OSTM1: variants seen among roughly 807,000 people sequenced by gnomAD.
OSTM1 encodes osteoclastogenesis associated transmembrane protein 1.
OSTM1 carries 26 observed loss-of-function variants against 35.4 expected under a neutral mutation model. That is an observed-to-expected ratio of 0.73 (90% CI 0.54 to 1.02). The LOEUF (loss-of-function observed/expected upper bound fraction) is 1.02. OSTM1 is among the 50% of genes least tolerant of loss of function. The pLI is 0.00. For missense variants in OSTM1, 366 were observed against 409.6 expected, an observed-to-expected ratio of 0.89 and a Z score of 0.92; for synonymous variants, 181 against 165.0, an observed-to-expected ratio of 1.10 and a Z score of -0.75.
At chr6:108,073,110 A>G (rs1772515598) in intron 1 of OSTM1, among the ~76,000 whole-genome samples, 1 of 152,232 alleles carries the variant, frequency 6.6e-6, no homozygotes, top group African/African-American at 2.4e-5. Flanking sequence ...GCACACAGCC[A>G]TGACAGATTT....
chr6:108,050,137 A>C (rs1449614441), intron 4 of OSTM1, among the ~76,000 whole-genome samples: 2 of 152,222 alleles, frequency 1.3e-5, no homozygotes, highest in African/African-American at 4.8e-5. Flanking sequence ...TATTAAGCCC[A>C]TTATATGCTA....
chr6:108,054,162 G>A (rs937714008), intron 3 of OSTM1, among the ~76,000 whole-genome samples: 1 of 152,140 alleles, frequency 6.6e-6, no homozygotes, highest in South Asian at 2.1e-4. Flanking sequence ...AAATACCTAC[G>A]TAAGTCAGAT....
At chr6:108,059,526 T>C (rs1256356332) in intron 2 of OSTM1, among the ~76,000 whole-genome samples, 1 of 152,216 alleles carries the variant, frequency 6.6e-6, no homozygotes, top group Non-Finnish European at 1.5e-5. Flanking sequence ...AGAGACTAGA[T>C]GCCACCCCTA....
intron 2 of OSTM1, among the ~76,000 whole-genome samples, chr6:108,058,153 A>G (rs1352729342): frequency 2.6e-5 from 4 of 151,360 alleles, no homozygotes; most frequent in African/African-American, 7.3e-5. Context: ...CCTGGCCTCA[A>G]GAGGCATTCT....
chr6:108,061,901 T>C (rs1482160100), intron 2 of OSTM1, among the ~76,000 whole-genome samples: 3 of 151,978 alleles, frequency 2.0e-5, no homozygotes, highest in Non-Finnish European at 4.4e-5. Flanking sequence ...GCATTGTAAA[T>C]CCCAAAGATA....
At chr6:108,062,376 T>C (rs1226314477) in intron 2 of OSTM1, among the ~76,000 whole-genome samples, 1 of 152,166 alleles carries the variant, frequency 6.6e-6, no homozygotes, top group Admixed American at 6.5e-5. Flanking sequence ...CTCAGAATCA[T>C]ACACAATTTA....
chr6:108,062,466 C>A (rs1206793747), intron 2 of OSTM1, among the ~76,000 whole-genome samples: 1 of 151,700 alleles, frequency 6.6e-6, no homozygotes, highest in African/African-American at 2.4e-5. Context: ...GAAACTACAG[C>A]AAGTGAAACC....
intron 2 of OSTM1, among the ~76,000 whole-genome samples, chr6:108,058,410 T>C (rs935918194): frequency 1.3e-5 from 2 of 152,258 alleles, no homozygotes; most frequent in Middle Eastern, 3.4e-3. Context: ...TTAACAAATA[T>C]GAAAACTAAG....
chr6:108,070,465 T>C (rs1183755499), intron 1 of OSTM1, among the ~76,000 whole-genome samples: 2 of 152,256 alleles, frequency 1.3e-5, no homozygotes, highest in African/African-American at 4.8e-5. Context: ...CTAACTATAC[T>C]GATAGTTTGA....
chr6:108,073,009 C>T (rs1157639597), intron 1 of OSTM1, among the ~76,000 whole-genome samples: 4 of 152,174 alleles, frequency 2.6e-5, no homozygotes, highest in East Asian at 3.8e-4. Context: ...GGGGTTTCAC[C>T]ATGTTGGCCA....
intron 1 of OSTM1, among the ~76,000 whole-genome samples, chr6:108,067,647 C>A (rs1267225058): frequency 1.3e-5 from 2 of 151,800 alleles, no homozygotes; most frequent in African/African-American, 2.4e-5. Context: ...TCCAGCCAAC[C>A]TGGTGAAACC....
chr6:108,074,522 G>T lies in OSTM1; in HGVS notation c.130C>A (p.His44Asn). The change falls in exon 1 of 6, where the codon CAC becomes AAC. Residue 44 changes from histidine (H) to asparagine (N), a missense_variant. Physicochemically the swap from His to Asn is moderately conservative, Grantham distance 68 (BLOSUM62 1). Coordinates refer to ENST00000193322, the MANE Select transcript of OSTM1 (RefSeq NM_014028.4). ...PFGSSPHRVF[H>N]DLLSEQQLLE... ...AACTGCTGCTCCGACAGGAGGTCGTGGAAGACCCTGTGCGGACTGCTGCCG... is the reference window on the plus strand; with the variant it reads ...AACTGCTGCTCCGACAGGAGGTCGTTGAAGACCCTGTGCGGACTGCTGCCG... The T allele has an allele frequency of 6.4e-7, 1 of 1,558,268 alleles. No individual in the cohort carries two copies. Among genetic ancestry groups the T allele is most frequent in the Non-Finnish European group, 8.7e-7 (1 of 1,152,260 alleles).
chr6:108,061,172 T>C (rs1772264214), intron 2 of OSTM1, among the ~76,000 whole-genome samples: 1 of 152,034 alleles, frequency 6.6e-6, no homozygotes, highest in Admixed American at 6.6e-5. Context: ...TTAGTCAAGC[T>C]TCGGAAACAA....
chr6:108,061,589 AG>A (rs1289051372), intron 2 of OSTM1, among the ~76,000 whole-genome samples: 3 of 152,030 alleles, frequency 2.0e-5, no homozygotes, highest in Non-Finnish European at 4.4e-5. Flanking sequence ...GCAGTGGCAC[AG>A]TCATAGCTCA....
Position 108,074,637 on chromosome 6 carries a change from CG to C in OSTM1, c.14del (p.Pro5ArgfsTer94). On this transcript the variant is annotated frameshift_variant, in exon 1 of 6. Transcript: ENST00000193322. LOFTEE classifies it high-confidence loss of function. The stretch of plus-strand genomic sequence containing the variant: ...ACGAACACCTCCGCTGCGCGGCTGT[CG>C]GGCCCGGCTCCATCACCGGGCTCAC... Reference protein sequence around the residue: MEPGPTAAQRRCSLP... With the variant: MEPGXTAAQRRCSLP... The C allele has an allele frequency of 6.4e-7, 1 of 1,551,596 alleles. No individual in the cohort carries two copies. The highest frequency in any genetic ancestry group is 8.7e-7 in the Non-Finnish European group (1 of 1,155,610).
intron 1 of OSTM1, among the ~76,000 whole-genome samples, chr6:108,067,495 A>G (rs1772399449): frequency 6.7e-6 from 1 of 149,494 alleles, no homozygotes; most frequent in African/African-American, 2.4e-5. Context: ...GGAAGAAGGG[A>G]AGGCAGGACA....
At chr6:108,062,869 T>C (rs1772306388) in intron 2 of OSTM1, among the ~76,000 whole-genome samples, 2 of 152,022 alleles carry the variant, frequency 1.3e-5, no homozygotes, top group South Asian at 2.1e-4. Context: ...CTAAGCAGTA[T>C]AAAAAATGTT....
intron 3 of OSTM1, among the ~76,000 whole-genome samples, chr6:108,052,285 T>C (rs1445314788): frequency 6.6e-6 from 1 of 151,898 alleles, no homozygotes; most frequent in African/African-American, 2.4e-5. Flanking sequence ...ATACAAAACT[T>C]AGCCGGGCGT....
chr6:108,063,673 T>C (rs1582395783), intron 2 of OSTM1, among the ~76,000 whole-genome samples: 1 of 152,182 alleles, frequency 6.6e-6, no homozygotes, highest in African/African-American at 2.4e-5. Flanking sequence ...GATGTCATCA[T>C]CCCACCCCGC....
Sources: gnomAD v4.1 joint callset for allele counts (sites outside exome capture counted in the v4.1 genomes callset) on GRCh38, gnomAD v4.1.1 for gene constraint, MANE v1.5 for transcripts, NCBI Gene and HGNC (gene_info 2026-07-23, HGNC 2026-07-21) for gene names.